The following XPNPEP3 variants were observed in gnomAD, a reference collection of about 807,000 sequenced individuals.
XPNPEP3 encodes xaa-Pro aminopeptidase 3.
XPNPEP3 carries 41 observed loss-of-function variants against 60.0 expected under a neutral mutation model. The ratio of observed to expected loss-of-function variants is 0.68; its 90% CI spans 0.53 to 0.89. The LOEUF (loss-of-function observed/expected upper bound fraction) is 0.89, where lower values mean the gene tolerates loss of function less well. Ranked by LOEUF, XPNPEP3 falls within the 40% of genes least tolerant of loss-of-function variation. The probability of loss-of-function intolerance (pLI) is 0.00; values close to 1 mark genes in which losing one functional copy is unlikely to be tolerated. For synonymous variants in XPNPEP3, 212 were observed against 223.2 expected (o/e 0.95, Z 0.45); for missense variants, 598 against 638.9 (o/e 0.94, Z 0.69).
intron 4 of XPNPEP3, among the ~76,000 whole-genome samples, chr22:40,903,553 C>T (rs1233552543): frequency 6.6e-6 from 1 of 151,070 alleles, no homozygotes; most frequent in Non-Finnish European, 1.5e-5. Context: ...TGCAGTGGTG[C>T]GATCTAGGCT....
At chr22:40,895,063 T>C (rs2058102417) in intron 4 of XPNPEP3, among the ~76,000 whole-genome samples, 1 of 152,214 alleles carries the variant, frequency 6.6e-6, no homozygotes, top group South Asian at 2.1e-4. Context: ...TGCTGGACTC[T>C]GAACATCTAC....
intron 2 of XPNPEP3, among the ~76,000 whole-genome samples, chr22:40,879,151 C>G (rs1361573529): frequency 1.3e-5 from 2 of 152,048 alleles, no homozygotes; most frequent in African/African-American, 4.8e-5. Context: ...CCTAAGAAAC[C>G]TAGGAGACTC....
chr22:40,895,241 T>C (rs1398562833), intron 4 of XPNPEP3, among the ~76,000 whole-genome samples: 1 of 152,206 alleles, frequency 6.6e-6, no homozygotes, highest in Non-Finnish European at 1.5e-5. Context: ...ATGCTGCATA[T>C]AGTTCATTTC....
chr22:40,901,859 T>C (rs2058134788), intron 4 of XPNPEP3, among the ~76,000 whole-genome samples: 1 of 152,108 alleles, frequency 6.6e-6, no homozygotes, highest in Admixed American at 6.5e-5. Flanking sequence ...GAGAGGAGAA[T>C]GGGAATTAAC....
chr22:40,922,248 G>T, intron 7 of XPNPEP3, 85 bp from the exon 8 acceptor site: 1 of 1,518,184 alleles, frequency 6.6e-7, no homozygotes, highest in Non-Finnish European at 9.0e-7. Flanking sequence ...GCAGCATCTT[G>T]GGGTTTTTCT....
intron 1 of XPNPEP3, among the ~76,000 whole-genome samples, chr22:40,858,019 C>G (rs1197277773): frequency 2.0e-5 from 3 of 152,182 alleles, no homozygotes; most frequent in Non-Finnish European, 2.9e-5. Context: ...AAGTTATTGT[C>G]CAGTGCACAG....
Position 40,868,996 on chromosome 22 carries a change from C to T in XPNPEP3, c.65-3C>T, listed in dbSNP as rs1003917439. On this transcript the variant is annotated splice_region_variant and splice_polypyrimidine_tract_variant and intron_variant, in intron 1 of 9. Transcript: ENST00000357137. The stretch of plus-strand genomic sequence containing the variant: ...CATTTCATTCTCTTTATTCTTCATT[C>T]AGGATGTATGTTGTGTTCACAGCGA... 5 of 1,607,102 alleles carry T rather than the reference C, an allele frequency of 3.1e-6. No homozygotes were observed. Among genetic ancestry groups the T allele is most frequent in the Admixed American group, 1.7e-5 (1 of 59,988 alleles).
intron 4 of XPNPEP3, chr22:40,888,311 A>G (rs890759146): frequency 9.9e-6 from 3 of 304,080 alleles, no homozygotes; most frequent in South Asian, 2.5e-5. Flanking sequence ...TAGCATGATC[A>G]CAGCTCACTG....
At position 40,926,552 on chromosome 22, in the gene XPNPEP3, C is replaced by A; in HGVS notation, c.*117C>A. 1 of 1,280,692 alleles carries A rather than the reference C, an allele frequency of 7.8e-7. No homozygotes were observed. Among genetic ancestry groups the A allele is most frequent in the Non-Finnish European group, 1.1e-6 (1 of 884,346 alleles). The allele number at this position is 1,280,692 out of a possible 1,614,324, so 79.3% of individuals were successfully genotyped here. A position where few individuals can be genotyped will look rare whatever the true frequency, so the allele number is the denominator to read the frequency against. On this transcript the variant is annotated 3_prime_UTR_variant, in exon 10 of 10. Transcript: ENST00000357137. ...TTAATATATGCATTCCATTTGGGAG[C>A]ATAGCAGCTGTGTGAATGTATGTAA...
chr22:40,918,410 G>A (rs943455882), intron 7 of XPNPEP3, among the ~76,000 whole-genome samples: 3 of 152,038 alleles, frequency 2.0e-5, no homozygotes, highest in South Asian at 2.1e-4. Context: ...AGTGGCTCAC[G>A]CCTGTAATCC....
chr22:40,893,801 A>C (rs1351024362), intron 4 of XPNPEP3, among the ~76,000 whole-genome samples: 7 of 152,036 alleles, frequency 4.6e-5, no homozygotes, highest in Non-Finnish European at 7.4e-5. Context: ...TTTTTAGTAG[A>C]GACGAGGTTT....
At chr22:40,866,121 A>G (rs1379395802) in intron 1 of XPNPEP3, among the ~76,000 whole-genome samples, 1 of 152,160 alleles carries the variant, frequency 6.6e-6, no homozygotes, top group African/African-American at 2.4e-5. Context: ...GTTCAAGTCA[A>G]AAATCAAGAA....
chr22:40,873,330 C>A (rs2058015172), intron 2 of XPNPEP3, among the ~76,000 whole-genome samples: 1 of 151,336 alleles, frequency 6.6e-6, no homozygotes. Flanking sequence ...GTTTTGAACT[C>A]CTGACCTTGT....
intron 3 of XPNPEP3, 42 bp downstream of exon 3, chr22:40,882,219 G>T (rs766777280): frequency 1.2e-6 from 2 of 1,610,148 alleles, no homozygotes; most frequent in Non-Finnish European, 8.5e-7. Context: ...ACCAGATTGG[G>T]ATTAAAACCT....
intron 4 of XPNPEP3, among the ~76,000 whole-genome samples, chr22:40,899,909 G>A (rs189315173): frequency 1.9e-4 from 28 of 151,262 alleles, no homozygotes; most frequent in Admixed American, 5.9e-4. Context: ...GGTGGCATAT[G>A]CCTGTAATCC....
chr22:40,869,158 C>G (rs1428574315), intron 2 of XPNPEP3, 43 bp downstream of exon 2: 1 of 1,515,604 alleles, frequency 6.6e-7, no homozygotes, highest in Non-Finnish European at 9.2e-7. Context: ...TAGGTTCTGT[C>G]TAGAGCAATG....
chr22:40,866,974 G>A (rs140546787), intron 1 of XPNPEP3, among the ~76,000 whole-genome samples: 81 of 152,354 alleles, frequency 5.3e-4, no homozygotes, highest in Non-Finnish European at 1.0e-3. Flanking sequence ...GACACTATGT[G>A]TGCATGAGTA....
intron 4 of XPNPEP3, among the ~76,000 whole-genome samples, chr22:40,895,668 TA>T (rs1242150509): frequency 6.6e-6 from 1 of 151,902 alleles, no homozygotes; most frequent in Admixed American, 6.6e-5. Context: ...TTATAACTTT[TA>T]AAAAAAATTG....
At chr22:40,883,396 CA>C (rs978900896) in intron 3 of XPNPEP3, among the ~76,000 whole-genome samples, 1 of 151,994 alleles carries the variant, frequency 6.6e-6, no homozygotes, top group African/African-American at 2.4e-5. Flanking sequence ...CTCTGTCACC[CA>C]GGTTGGGATG....
Sources: gnomAD v4.1 joint callset for allele counts (sites outside exome capture counted in the v4.1 genomes callset) on GRCh38, gnomAD v4.1.1 for gene constraint, MANE v1.5 for transcripts, NCBI Gene and HGNC (gene_info 2026-07-23, HGNC 2026-07-21) for gene names.